STRBP: variants seen among roughly 807,000 people sequenced by gnomAD.
STRBP encodes spermatid perinuclear RNA binding protein.
A neutral mutation model predicts 80.1 loss-of-function variants in STRBP; 13 were observed. That is an observed-to-expected ratio of 0.16 (90% confidence interval 0.11 to 0.26). The LOEUF (loss-of-function observed/expected upper bound fraction) is 0.26. Ranked by LOEUF, STRBP falls within the 10% of genes least tolerant of loss-of-function variation. STRBP has a pLI of 1.00. For missense variants in STRBP, 485 were observed against 815.2 expected, an observed-to-expected ratio of 0.59 and a Z score of 4.93; for synonymous variants, 284 against 291.2, an observed-to-expected ratio of 0.98 and a Z score of 0.25.
At chr9:123,220,361 C>T (rs1588121977) in intron 2 of STRBP, among the ~76,000 whole-genome samples, 1 of 152,280 alleles carries the variant, frequency 6.6e-6, no homozygotes, top group Non-Finnish European at 1.5e-5. Flanking sequence ...AGGCTACAAA[C>T]CTGTACAGCA....
intron 1 of STRBP, among the ~76,000 whole-genome samples, chr9:123,263,890 T>C (rs887304532): frequency 1.3e-5 from 2 of 152,216 alleles, no homozygotes; most frequent in East Asian, 1.9e-4. Context: ...GATATAAGAA[T>C]TGAATTTGGC....
chr9:123,244,080 T>C (rs2040752115), intron 1 of STRBP, among the ~76,000 whole-genome samples: 1 of 152,202 alleles, frequency 6.6e-6, no homozygotes, highest in African/African-American at 2.4e-5. Flanking sequence ...TTGAATACTG[T>C]GGTTCATCCA....
At position 123,126,705 on chromosome 9, in the gene STRBP, T is replaced by A. The variant is rs1184178337; in HGVS notation, c.1943-1032A>T. 6.6e-6 allele frequency among the ~76,000 whole-genome samples: 1 copy of A among 152,180 alleles called. No homozygotes were observed. Among genetic ancestry groups the A allele is most frequent in the East Asian group, 1.9e-4 (1 of 5,200 alleles). Reference sequence around the variant, plus strand: ...TGAAGAATCTGAAACTTACTGTATGTCTAAAAGAAAGACACAGATTTAAAT... The same window carrying A: ...TGAAGAATCTGAAACTTACTGTATGACTAAAAGAAAGACACAGATTTAAAT... On this transcript the variant is annotated intron_variant, in intron 18 of 18. Transcript: ENST00000348403. The surrounding 1 kb of genome is among the most constrained non-coding windows in gnomAD (Gnocchi z 4.4).
intron 8 of STRBP, 43 bp downstream of exon 8, chr9:123,160,324 C>T: frequency 7.0e-7 from 1 of 1,430,406 alleles, no homozygotes; most frequent in Non-Finnish European, 9.5e-7. Context: ...ATTTTCTCTG[C>T]TACAGCTTCC....
chr9:123,121,434 A>C (rs2035730733), downstream of STRBP: 1 of 152,184 alleles, frequency 6.6e-6, no homozygotes, highest in Non-Finnish European at 1.5e-5. Flanking sequence ...TGGTTGAATA[A>C]GGTGGGAAAT....
chr9:123,212,377 T>C (rs897730662), intron 2 of STRBP, among the ~76,000 whole-genome samples: 1 of 152,232 alleles, frequency 6.6e-6, no homozygotes, highest in Non-Finnish European at 1.5e-5. Context: ...AATGGATCTC[T>C]TGCCTGAATT....
intron 2 of STRBP, among the ~76,000 whole-genome samples, chr9:123,195,681 T>C (rs1279666448): frequency 6.6e-6 from 1 of 152,082 alleles, no homozygotes; most frequent in East Asian, 1.9e-4. Flanking sequence ...AAAGTGCTGA[T>C]GGAAGAAATT....
intron 2 of STRBP, among the ~76,000 whole-genome samples, chr9:123,235,944 A>G (rs1397354101): frequency 2.6e-5 from 4 of 152,234 alleles, no homozygotes; most frequent in African/African-American, 9.6e-5. Flanking sequence ...CTGATTAATA[A>G]TCCATCTGCA....
intron 2 of STRBP, among the ~76,000 whole-genome samples, chr9:123,225,171 T>C (rs1190703621): frequency 6.6e-6 from 1 of 152,182 alleles, no homozygotes; most frequent in Non-Finnish European, 1.5e-5. Context: ...GTGATGAAGA[T>C]GAGGACACGG....
At chr9:123,141,715 T>C (rs1222120404) in intron 13 of STRBP, among the ~76,000 whole-genome samples, 5 of 152,224 alleles carry the variant, frequency 3.3e-5, no homozygotes, top group Non-Finnish European at 7.3e-5. Flanking sequence ...GATTCACTTA[T>C]TATTATTACA....
At chr9:123,194,004 G>T (rs1056960251) in intron 2 of STRBP, among the ~76,000 whole-genome samples, 5 of 152,086 alleles carry the variant, frequency 3.3e-5, no homozygotes, top group Non-Finnish European at 7.4e-5. Flanking sequence ...TTTTTTAGTT[G>T]TAAGAATGAC....
chr9:123,149,645 T>G (rs2036972469), intron 11 of STRBP, among the ~76,000 whole-genome samples: 1 of 152,212 alleles, frequency 6.6e-6, no homozygotes, highest in Admixed American at 6.5e-5. Flanking sequence ...TATTCAACCT[T>G]CACAATATCT....
At chr9:123,137,538 G>T (rs912616485) in intron 14 of STRBP, among the ~76,000 whole-genome samples, 6 of 152,200 alleles carry the variant, frequency 3.9e-5, no homozygotes, top group Middle Eastern at 6.8e-3. Context: ...GTCCCAAGTA[G>T]CTGGAATTGC....
At chr9:123,208,187 T>A (rs143636241) in intron 2 of STRBP, among the ~76,000 whole-genome samples, 3 of 152,048 alleles carry the variant, frequency 2.0e-5, no homozygotes, top group Non-Finnish European at 2.9e-5. Context: ...AAACAAGACA[T>A]TCAAAGTATT....
chr9:123,241,992 T>C (rs1386385984), intron 1 of STRBP, among the ~76,000 whole-genome samples: 1 of 152,196 alleles, frequency 6.6e-6, no homozygotes, highest in African/African-American at 2.4e-5. Context: ...TCCTCCTTTT[T>C]AGTTCCTTCC....
downstream of STRBP, among the ~76,000 whole-genome samples, chr9:123,120,100 A>C (rs1005601080): frequency 6.6e-6 from 1 of 152,144 alleles, no homozygotes; most frequent in South Asian, 2.1e-4. Context: ...TCATTCTTAT[A>C]TAAGTACTAG....
chr9:123,200,532 A>G (rs1042981568), intron 2 of STRBP, among the ~76,000 whole-genome samples: 7 of 150,134 alleles, frequency 4.7e-5, no homozygotes, highest in African/African-American at 1.7e-4. Flanking sequence ...CTGTGAATTC[A>G]TCTGATCCTG....
chr9:123,194,206 T>G (rs2039018823), intron 2 of STRBP, among the ~76,000 whole-genome samples: 1 of 152,208 alleles, frequency 6.6e-6, no homozygotes, highest in African/African-American at 2.4e-5. Flanking sequence ...CTCTTCATAT[T>G]CAACAGGTCA....
intron 1 of STRBP, among the ~76,000 whole-genome samples, chr9:123,238,647 G>A (rs555370677): frequency 1.1e-4 from 16 of 152,128 alleles, no homozygotes; most frequent in South Asian, 4.1e-4. Context: ...AACATCCCAC[G>A]TATGCAAATG....
Sources: allele counts gnomAD v4.1 joint callset (sites outside exome capture counted in the v4.1 genomes callset), GRCh38; gene constraint gnomAD v4.1.1; non-coding constraint Gnocchi (gnomAD v3.1); transcripts MANE v1.5; gene names NCBI Gene and HGNC (gene_info 2026-07-23, HGNC 2026-07-21).